The following PGRMC2 variants were observed in gnomAD, a reference collection of about 807,000 sequenced individuals.
PGRMC2 encodes membrane-associated progesterone receptor component 2.
In PGRMC2, 9 loss-of-function variants were observed where a neutral mutation model predicts 19.3. The ratio of observed to expected loss-of-function variants is 0.47; its 90% CI spans 0.28 to 0.81. The LOEUF (loss-of-function observed/expected upper bound fraction) is 0.81. PGRMC2 is among the 40% of genes least tolerant of loss of function. PGRMC2 has a pLI of 0.11. For missense variants in PGRMC2, 289 were observed against 297.3 expected, an observed-to-expected ratio of 0.97 and a Z score of 0.21; for synonymous variants, 157 against 124.6, an observed-to-expected ratio of 1.26 and a Z score of -1.73.
At chr4:128,272,260 G>A in intron 2 of PGRMC2, 102 bp downstream of exon 2, 2 of 670,594 alleles carry the variant, frequency 3.0e-6, no homozygotes, top group Non-Finnish European at 2.2e-6. Context: ...TGATGGCAAT[G>A]AAAACGGATG....
chr4:128,282,510 C>T (rs901138457), intron 1 of PGRMC2, among the ~76,000 whole-genome samples: 3 of 152,122 alleles, frequency 2.0e-5, no homozygotes, highest in South Asian at 2.1e-4. Context: ...TTAAAAACAA[C>T]GGGATGATGT....
At position 128,274,252 on chromosome 4, in the gene PGRMC2, C is replaced by CGGT. The variant is rs779082455; in HGVS notation, c.419-1738_419-1736dup. Among the ~76,000 whole-genome samples, 8 of 152,096 alleles carry CGGT rather than the reference C, an allele frequency of 5.3e-5. No individual in the cohort carries two copies. The East Asian group carries it at 5.8e-4, about 11-fold the overall frequency. ...AAAAGGGTATTAACCAGGCCAGGTG[C>CGGT]GGTGGCTCATGCCTGTAATCCCAAC... On this transcript the variant is annotated intron_variant, in intron 1 of 2. Coordinates refer to ENST00000296425, the MANE Select transcript of PGRMC2 (RefSeq NM_006320.6).
chr4:128,269,397 T>C lies in PGRMC2; in HGVS notation c.*1919A>G, dbSNP rs1382364616. 1 of 152,200 alleles carries C rather than the reference T, an allele frequency of 6.6e-6. No homozygotes were observed. Among genetic ancestry groups the C allele is most frequent in the African/African-American group, 2.4e-5 (1 of 41,454 alleles). The allele number at this position is 152,200 out of a possible 1,614,324, so 9.4% of individuals were successfully genotyped here. A position where few individuals can be genotyped will look rare whatever the true frequency, so the allele number is the denominator to read the frequency against. ...CTAGACTTTAGGCTTGAATGATTCA[T>C]ATATATAGATATCAGTTTACTACAG... On this transcript the variant is annotated 3_prime_UTR_variant, in exon 3 of 3. Transcript: ENST00000296425.
intron 1 of PGRMC2, 192 bp downstream of exon 1, chr4:128,287,181 G>A (rs560100737): frequency 2.4e-5 from 13 of 539,466 alleles, no homozygotes; most frequent in Middle Eastern, 4.9e-4. Flanking sequence ...AGAACTGGAG[G>A]TGCCCGTAGC....
intron 1 of PGRMC2, among the ~76,000 whole-genome samples, chr4:128,286,436 G>GAAAACAAAGTTCTCTC (rs1760984668): frequency 6.6e-6 from 1 of 152,086 alleles, no homozygotes; most frequent in African/African-American, 2.4e-5. Flanking sequence ...AAAGTTCCCT[G>GAAAACAAAGTTCTCTC]AAAACAAAGT....
In PGRMC2 at chr4:128,287,678, C is replaced by T. The variant is rs41298555; in HGVS notation, c.113G>A (p.Gly38Glu). ...CGCCAACGCCGCCGCCGCCCAGCCT[C>T]CCCCTTCCGCTGCCGCTCCCGCGTC... ...PGDAGAAAEGGGWAAAALALL... is the reference protein window; with the variant it reads ...PGDAGAAAEGEGWAAAALALL... Residue 38 changes from glycine to glutamate, a missense_variant, in exon 1 of 3, where the codon GGA (glycine) becomes GAA (glutamate). Coordinates refer to ENST00000296425, the MANE Select transcript of PGRMC2 (RefSeq NM_006320.6). 1,186 of 1,532,730 alleles carry T rather than the reference C, an allele frequency of 7.7e-4. No individual in the cohort carries two copies. The highest frequency in any genetic ancestry group is 9.9e-4 in the Non-Finnish European group (1,132 of 1,142,322). 94.9% of individuals were successfully genotyped at this position (1,532,730 alleles called of 1,614,324 possible).
chr4:128,281,242 T>C (rs1231165630), intron 1 of PGRMC2, among the ~76,000 whole-genome samples: 3 of 152,218 alleles, frequency 2.0e-5, no homozygotes, highest in Non-Finnish European at 4.4e-5. Flanking sequence ...TATGACTATG[T>C]ACAACGCAGG....
chr4:128,282,438 G>A (rs1164740670), intron 1 of PGRMC2, among the ~76,000 whole-genome samples: 1 of 152,152 alleles, frequency 6.6e-6, no homozygotes, highest in Non-Finnish European at 1.5e-5. Context: ...ACAGCTTCTG[G>A]TTTCAAGCTA....
chr4:128,287,236 G>C (rs997623704), intron 1 of PGRMC2, 137 bp downstream of exon 1: 5 of 957,140 alleles, frequency 5.2e-6, no homozygotes, highest in South Asian at 1.7e-5. Flanking sequence ...GGCCGTCCCA[G>C]GTGCGGCGGC....
chr4:128,281,070 G>A (rs1760904268), intron 1 of PGRMC2, among the ~76,000 whole-genome samples: 1 of 152,170 alleles, frequency 6.6e-6, no homozygotes, highest in Non-Finnish European at 1.5e-5. Context: ...TGATAACCAT[G>A]TTAGTAAATT....
At chr4:128,286,878 CAA>C (rs34546633) in intron 1 of PGRMC2, 12,085 of 320,842 alleles carry the variant, frequency 0.038, no homozygotes, top group East Asian at 0.047. Context: ...AGATCAGTGG[CAA>C]AAAAAAAAAA....
chr4:128,280,103 A>G (rs368147178), intron 1 of PGRMC2, among the ~76,000 whole-genome samples: 10 of 152,178 alleles, frequency 6.6e-5, no homozygotes, highest in South Asian at 2.1e-4. Context: ...ACTGAAGATA[A>G]TAAGTTCACA....
intron 1 of PGRMC2, 172 bp from the exon 2 acceptor site, chr4:128,272,689 A>AAAG (rs924802385): frequency 3.4e-5 from 14 of 407,274 alleles, no homozygotes; most frequent in Non-Finnish European, 4.6e-5. Context: ...TGGAATAAGA[A>AAAG]AAGAAATTTG....
intron 1 of PGRMC2, among the ~76,000 whole-genome samples, chr4:128,284,627 CAT>C (rs72344509): frequency 0.044 from 6,745 of 152,218 alleles, 494 homozygotes; most frequent in African/African-American, 0.15. Context: ...AAAATAAACA[CAT>C]GTTTAGCATT....
Position 128,287,554 on chromosome 4 carries a change from A to ACCC in PGRMC2, c.234_236dup (p.Gly79dup). ...CGCCCGCCCCGGCCCCGGCCCCCAGACCCCGCCGCCCCCAGCGCACCCACA... is the reference window on the plus strand; with the variant it reads ...CGCCCGCCCCGGCCCCGGCCCCCAGACCCCCCCGCCGCCCCCAGCGCACCCACA... On this transcript the variant is annotated inframe_insertion, in exon 1 of 3. Coordinates refer to ENST00000296425, the MANE Select transcript of PGRMC2 (RefSeq NM_006320.6). 1.1e-6 allele frequency: 1 copy of ACCC among 924,842 alleles called. No homozygotes were observed. Among genetic ancestry groups the ACCC allele is most frequent in the Non-Finnish European group, 1.5e-6 (1 of 673,000 alleles). The allele number at this position is 924,842 out of a possible 1,614,324, so 57.3% of individuals were successfully genotyped here. A position where few individuals can be genotyped will look rare whatever the true frequency, so the allele number is the denominator to read the frequency against.
chr4:128,285,713 T>C (rs919270253), intron 1 of PGRMC2, among the ~76,000 whole-genome samples: 4 of 152,224 alleles, frequency 2.6e-5, no homozygotes, highest in African/African-American at 9.7e-5. Context: ...TTGAACTAGG[T>C]ATAAAATGCT....
intron 1 of PGRMC2, among the ~76,000 whole-genome samples, chr4:128,274,505 C>G (rs1760776916): frequency 7.7e-6 from 1 of 130,656 alleles, no homozygotes; most frequent in Non-Finnish European, 1.6e-5. Flanking sequence ...AGCAAGACTC[C>G]TTCTCCAAAG....
At chr4:128,282,048 T>C (rs1429773102) in intron 1 of PGRMC2, among the ~76,000 whole-genome samples, 2 of 152,236 alleles carry the variant, frequency 1.3e-5, no homozygotes, top group Non-Finnish European at 2.9e-5. Context: ...ATTTCTTTTA[T>C]AGCATATTAC....
At chr4:128,281,321 G>C (rs943819471) in intron 1 of PGRMC2, among the ~76,000 whole-genome samples, 1 of 152,176 alleles carries the variant, frequency 6.6e-6, no homozygotes, top group Non-Finnish European at 1.5e-5. Context: ...TCAAATGTCA[G>C]TAAAGTATCT....
Sources: allele counts gnomAD v4.1 joint callset (sites outside exome capture counted in the v4.1 genomes callset), GRCh38; gene constraint gnomAD v4.1.1; transcripts MANE v1.5; gene names NCBI Gene and HGNC (gene_info 2026-07-23, HGNC 2026-07-21).